TRAPPC9: variants seen among roughly 807,000 people sequenced by gnomAD.
TRAPPC9 encodes IKK2 binding protein.
Under a neutral mutation model 124.0 loss-of-function variants are expected in TRAPPC9, and 83 were observed. The observed-to-expected ratio is 0.67, with a 90% CI of 0.56 to 0.80. The LOEUF (loss-of-function observed/expected upper bound fraction) is 0.80, where lower values mean the gene tolerates loss of function less well. Among genes scored for constraint, TRAPPC9 ranks in the 30% least tolerant of loss-of-function variants. The pLI is 0.00. For missense variants in TRAPPC9, 1,302 were observed against 1,508.3 expected (o/e 0.86, Z 2.27); for synonymous variants, 638 against 617.5 (o/e 1.03, Z -0.49).
chr8:139,739,943 G>A (rs1028932776), intron 21 of TRAPPC9, among the ~76,000 whole-genome samples: 1 of 152,194 alleles, frequency 6.6e-6, no homozygotes, highest in African/African-American at 2.4e-5. Flanking sequence ...GGGCTTTGGG[G>A]TCAGGTACCC....
intron 5 of TRAPPC9, among the ~76,000 whole-genome samples, chr8:140,407,428 G>A (rs967532768): frequency 6.6e-6 from 1 of 151,772 alleles, no homozygotes; most frequent in Non-Finnish European, 1.5e-5. Context: ...ATGGTGGGGG[G>A]GGGCGGGTCA....
chr8:140,177,276 T>C (rs1371433627), intron 17 of TRAPPC9, among the ~76,000 whole-genome samples: 1 of 152,216 alleles, frequency 6.6e-6, no homozygotes, highest in Non-Finnish European at 1.5e-5. Context: ...TTTATATCTC[T>C]TATATTTAAG....
chr8:140,036,326 A>C (rs1840874493), intron 17 of TRAPPC9, among the ~76,000 whole-genome samples: 1 of 152,106 alleles, frequency 6.6e-6, no homozygotes, highest in South Asian at 2.1e-4. Context: ...TGCCAGGTGA[A>C]GACTGATGGG....
chr8:139,893,117 C>G (rs576464917), intron 20 of TRAPPC9, among the ~76,000 whole-genome samples: 1 of 152,368 alleles, frequency 6.6e-6, no homozygotes, highest in East Asian at 1.9e-4. Context: ...TGCCGTGTTT[C>G]TCGTAGCCCT....
At chr8:139,959,579 C>G (rs942718253) in intron 19 of TRAPPC9, among the ~76,000 whole-genome samples, 2 of 152,176 alleles carry the variant, frequency 1.3e-5, no homozygotes, top group African/African-American at 4.8e-5. Flanking sequence ...TTCCCACCAC[C>G]AACACCCCTC....
chr8:140,392,356 G>T (rs1023645937), intron 7 of TRAPPC9, among the ~76,000 whole-genome samples: 4 of 152,202 alleles, frequency 2.6e-5, no homozygotes, highest in Admixed American at 2.0e-4. Context: ...GAGAGGTTCT[G>T]CCTTTTCATC....
At chr8:140,148,985 G>C (rs1227084381) in intron 17 of TRAPPC9, among the ~76,000 whole-genome samples, 1 of 152,132 alleles carries the variant, frequency 6.6e-6, no homozygotes, top group Non-Finnish European at 1.5e-5. Context: ...ATGCATTTGG[G>C]GGTGGGTTTC....
intron 17 of TRAPPC9, among the ~76,000 whole-genome samples, chr8:140,203,117 G>A (rs1057070520): frequency 1.3e-5 from 2 of 152,084 alleles, no homozygotes; most frequent in Admixed American, 1.3e-4. Flanking sequence ...GGATCAAATG[G>A]GAGAAATTTT....
intron 21 of TRAPPC9, among the ~76,000 whole-genome samples, chr8:139,750,018 C>A (rs940138320): frequency 6.6e-6 from 1 of 152,044 alleles, no homozygotes; most frequent in Non-Finnish European, 1.5e-5. Context: ...GACTGTGGCC[C>A]ACACAATCCA....
intron 17 of TRAPPC9, among the ~76,000 whole-genome samples, chr8:140,206,774 T>TATATATATATATATATATATA (rs1294158701): frequency 6.6e-6 from 1 of 151,720 alleles, no homozygotes; most frequent in African/African-American, 2.4e-5. Context: ...TATATATATA[T>TATATATATATATATATATATA]TTAAAAAGCC....
intron 19 of TRAPPC9, among the ~76,000 whole-genome samples, chr8:139,967,409 C>T (rs185244879): frequency 2.0e-5 from 3 of 152,362 alleles, no homozygotes; most frequent in African/African-American, 7.2e-5. Flanking sequence ...TGGAGAATAA[C>T]TTATCCTGCA....
chr8:140,368,488 A>C (rs756790980), intron 8 of TRAPPC9, among the ~76,000 whole-genome samples: 7 of 152,092 alleles, frequency 4.6e-5, no homozygotes, highest in Non-Finnish European at 7.3e-5. Flanking sequence ...AAAACCCATA[A>C]AAACTGGGGA....
chr8:140,324,849 T>C (rs2066696737), intron 9 of TRAPPC9, among the ~76,000 whole-genome samples: 1 of 152,138 alleles, frequency 6.6e-6, no homozygotes, highest in Admixed American at 6.6e-5. Flanking sequence ...AACAAACTAT[T>C]AAATAACTTC....
Position 140,397,713 on chromosome 8 carries a change from C to G in TRAPPC9, c.1041G>C (p.Ala347=). The change falls in exon 7 of 23, where the codon GCG becomes GCC. Residue 347 remains alanine (A), a synonymous_variant. Coordinates refer to ENST00000438773, the MANE Select transcript of TRAPPC9 (RefSeq NM_001160372.4). Reference sequence around the variant, plus strand: ...CAAGGACACGTACAGCCTTGATGCACGCTTCCAACTCAATCACTCCCGCAT... The same window carrying G: ...CAAGGACACGTACAGCCTTGATGCAGGCTTCCAACTCAATCACTCCCGCAT... ...YKNAGVIELE[A]CIKAVRVLAI... 6.2e-7 allele frequency: 1 copy of G among 1,614,148 alleles called. No homozygotes were observed. The highest frequency in any genetic ancestry group is 2.2e-5 in the East Asian group (1 of 44,884).
chr8:139,879,881 G>A (rs750905296), intron 21 of TRAPPC9, among the ~76,000 whole-genome samples: 16 of 152,226 alleles, frequency 1.1e-4, no homozygotes, highest in Non-Finnish European at 1.8e-4. Flanking sequence ...AGAGCTCAGA[G>A]CATAAGTAAC....
At chr8:140,135,660 G>A (rs568805515) in intron 17 of TRAPPC9, among the ~76,000 whole-genome samples, 11 of 152,184 alleles carry the variant, frequency 7.2e-5, no homozygotes, top group Non-Finnish European at 1.2e-4. Flanking sequence ...TTATTGCTTC[G>A]TGGATACAGA....
chr8:140,005,923 AAGG>A (rs1259813443), intron 18 of TRAPPC9, among the ~76,000 whole-genome samples: 183 of 151,444 alleles, frequency 1.2e-3, no homozygotes, highest in East Asian at 3.5e-3. Context: ...AAAAAAAAAA[AAGG>A]AGGAGGAGGA....
intron 19 of TRAPPC9, among the ~76,000 whole-genome samples, chr8:139,985,680 C>A (rs964120875): frequency 6.6e-6 from 1 of 152,202 alleles, no homozygotes; most frequent in Non-Finnish European, 1.5e-5. Flanking sequence ...TAGCTTCCAG[C>A]AGCCCAAACA....
chr8:139,947,907 T>TATATATAGAGAGAGAGAGAGAG, intron 19 of TRAPPC9, among the ~76,000 whole-genome samples: 1 of 60,364 alleles, frequency 1.7e-5, no homozygotes, highest in Admixed American at 2.0e-4. Context: ...TATATATATA[T>TATATATAGAGAGAGAGAGAGAG]AGAGAGAGAG....
Sources: gnomAD v4.1 joint callset for allele counts (sites outside exome capture counted in the v4.1 genomes callset) on GRCh38, gnomAD v4.1.1 for gene constraint, MANE v1.5 for transcripts, NCBI Gene and HGNC (gene_info 2026-07-23, HGNC 2026-07-21) for gene names.